Variants in ZFHX3 observed in about 807,000 individuals in gnomAD.
ZFHX3 encodes zinc finger homeobox 3, also known as zinc finger homeobox protein 3.
In ZFHX3, 42 loss-of-function variants were observed where a neutral mutation model predicts 279.1. That is an observed-to-expected ratio of 0.15 (90% CI 0.12 to 0.19). ZFHX3 has a LOEUF of 0.19. Among genes scored for constraint, ZFHX3 ranks in the 10% least tolerant of loss-of-function variants. The pLI, the probability that ZFHX3 is intolerant of heterozygous loss-of-function variation, is 1.00. For synonymous variants in ZFHX3, 2,293 were observed against 1,957.8 expected (o/e 1.17, Z -4.52); for missense variants, 4,981 against 4,754.0 (o/e 1.05, Z -1.40).
Position 73,576,043 on chromosome 16 carries a change from C to T in ZFHX3, c.-1547+104137G>A, listed in dbSNP as rs534719168. Among the ~76,000 whole-genome samples, 4 of 152,238 alleles carry T rather than the reference C, an allele frequency of 2.6e-5. No homozygotes were observed. In the East Asian group the frequency reaches 7.7e-4, roughly 29 times the overall value. ...TTCTCTTCTGCCTCTTGATATTTTT[C>T]TTGACCATTTCCCTCAGTGTTTCTA... On this transcript the variant is annotated intron_variant, in intron 2 of 17. Coordinates refer to the ZFHX3 transcript ENST00000641206.
intron 4 of ZFHX3, among the ~76,000 whole-genome samples, chr16:72,874,702 C>T (rs1046156764): frequency 1.3e-5 from 2 of 151,058 alleles, no homozygotes; most frequent in African/African-American, 2.4e-5. Flanking sequence ...CTGTGTTGCC[C>T]AGGGTAGACT....
intron 5 of ZFHX3, among the ~76,000 whole-genome samples, chr16:73,146,877 G>T (rs966927969): frequency 1.3e-5 from 2 of 152,058 alleles, no homozygotes; most frequent in African/African-American, 4.8e-5. Context: ...GGCTGGTCTC[G>T]AACTCCTGGG....
chr16:73,187,355 T>A lies in ZFHX3; in HGVS notation c.-1103-43524A>T, dbSNP rs534163079. On this transcript the variant is annotated intron_variant, in intron 5 of 17. Coordinates refer to the ZFHX3 transcript ENST00000641206. ...TAGTAAAGAGGGATTTTTTTTTTTT[T>A]AAATTGGGCTGATGCAAACAGCAGA... Among the ~76,000 whole-genome samples the A allele has an allele frequency of 4.6e-5, 7 of 151,540 alleles. 1 individual carries two copies. The highest frequency in any genetic ancestry group is 1.9e-4 in the East Asian group (1 of 5,166).
intron 3 of ZFHX3, among the ~76,000 whole-genome samples, chr16:73,433,815 T>C (rs2017950503): frequency 6.6e-6 from 1 of 152,174 alleles, no homozygotes; most frequent in African/African-American, 2.4e-5. Context: ...CGGTGCCTAC[T>C]GGGTGAGCCG....
At chr16:72,895,596 A>C (rs1038151872) in intron 3 of ZFHX3, among the ~76,000 whole-genome samples, 28 of 152,214 alleles carry the variant, frequency 1.8e-4, no homozygotes, top group Admixed American at 1.6e-3. Flanking sequence ...CCAAGGAAGG[A>C]GGATCACTTG....
intron 1 of ZFHX3, among the ~76,000 whole-genome samples, chr16:72,974,624 C>A (rs1962267488): frequency 6.6e-6 from 1 of 151,824 alleles, no homozygotes; most frequent in African/African-American, 2.4e-5. Context: ...AACACGGGCA[C>A]AGCGAGTTCT....
At chr16:73,744,518 G>A (rs1182577302) in intron 1 of ZFHX3, among the ~76,000 whole-genome samples, 2 of 152,200 alleles carry the variant, frequency 1.3e-5, no homozygotes, top group African/African-American at 4.8e-5. Context: ...GCAAGGTCTA[G>A]ACAGGTATAA....
At chr16:73,298,014 G>GT (rs1213583101) in intron 4 of ZFHX3, among the ~76,000 whole-genome samples, 2 of 139,878 alleles carry the variant, frequency 1.4e-5, no homozygotes, top group Non-Finnish European at 3.1e-5. Flanking sequence ...ACCAGACCCT[G>GT]TCTCTAAAAA....
intron 2 of ZFHX3, among the ~76,000 whole-genome samples, chr16:73,599,768 G>A (rs1425276971): frequency 6.7e-6 from 1 of 149,432 alleles, no homozygotes; most frequent in Non-Finnish European, 1.5e-5. Flanking sequence ...ACCTTTAACA[G>A]CCCACTGGTG....
At chr16:73,419,900 G>T (rs951755342) in intron 3 of ZFHX3, among the ~76,000 whole-genome samples, 1 of 149,360 alleles carries the variant, frequency 6.7e-6, no homozygotes, top group Non-Finnish European at 1.5e-5. Flanking sequence ...TATATATATA[G>T]ATAGATAATT....
At chr16:73,799,733 G>A (rs1379657549) in intron 1 of ZFHX3, among the ~76,000 whole-genome samples, 2 of 152,142 alleles carry the variant, frequency 1.3e-5, no homozygotes, top group East Asian at 3.9e-4. Flanking sequence ...CAACCCCAAA[G>A]GCGATCTCCT....
chr16:73,004,313 G>A (rs1346746415), intron 1 of ZFHX3, among the ~76,000 whole-genome samples: 1 of 127,338 alleles, frequency 7.9e-6, no homozygotes, highest in East Asian at 2.6e-4. Flanking sequence ...CTATCTGTAT[G>A]CATCAATCTT....
chr16:73,824,349 T>C (rs896066980), intron 1 of ZFHX3, among the ~76,000 whole-genome samples: 2 of 151,558 alleles, frequency 1.3e-5, no homozygotes, highest in Admixed American at 6.6e-5. Flanking sequence ...TCCAAAACAA[T>C]GTCAGAAATG....
intron 3 of ZFHX3, among the ~76,000 whole-genome samples, chr16:73,379,407 G>A (rs2016782298): frequency 6.6e-6 from 1 of 152,094 alleles, no homozygotes; most frequent in Admixed American, 6.5e-5. Flanking sequence ...CTCTGGACAA[G>A]GGAAAAGCAG....
chr16:73,506,938 T>G (rs1229108437), intron 2 of ZFHX3, among the ~76,000 whole-genome samples: 1 of 152,164 alleles, frequency 6.6e-6, no homozygotes, highest in Admixed American at 6.5e-5. Context: ...TGGTGCGGCG[T>G]GTAATAGACG....
chr16:73,451,779 A>C (rs370485065), intron 3 of ZFHX3, among the ~76,000 whole-genome samples: 30 of 152,340 alleles, frequency 2.0e-4, no homozygotes, highest in African/African-American at 6.7e-4. Flanking sequence ...AAACGGAACT[A>C]AATACAGCAG....
At chr16:73,437,908 G>C (rs2018023182) in intron 3 of ZFHX3, among the ~76,000 whole-genome samples, 1 of 152,150 alleles carries the variant, frequency 6.6e-6, no homozygotes, top group South Asian at 2.1e-4. Flanking sequence ...CTCTTCTGTA[G>C]TCTTTCTTAT....
At chr16:73,533,550 G>T (rs1387499514) in intron 2 of ZFHX3, among the ~76,000 whole-genome samples, 1 of 151,766 alleles carries the variant, frequency 6.6e-6, no homozygotes, top group East Asian at 1.9e-4. Context: ...ATGTCCCAAG[G>T]AGTCCCAGAT....
At chr16:73,305,650 C>G (rs2015164205) in intron 4 of ZFHX3, among the ~76,000 whole-genome samples, 1 of 151,940 alleles carries the variant, frequency 6.6e-6, no homozygotes, top group Admixed American at 6.6e-5. Flanking sequence ...AGCCAAAACT[C>G]ACCGATGCCC....
Sources: allele counts gnomAD v4.1 joint callset (sites outside exome capture counted in the v4.1 genomes callset), GRCh38; gene constraint gnomAD v4.1.1; transcripts MANE v1.5; gene names NCBI Gene and HGNC (gene_info 2026-07-23, HGNC 2026-07-21).